MYRF: variants seen among roughly 807,000 people sequenced by gnomAD.
MYRF encodes myelin gene regulatory factor.
In MYRF, 16 loss-of-function variants were observed where a neutral mutation model predicts 126.3. The observed-to-expected ratio is 0.13, with a 90% CI of 0.09 to 0.19. MYRF has a LOEUF of 0.19. Among genes scored for constraint, MYRF ranks in the 10% least tolerant of loss-of-function variants. MYRF has a pLI of 1.00. For missense variants in MYRF, 1,104 were observed against 1,547.0 expected, an observed-to-expected ratio of 0.71 and a Z score of 4.80; for synonymous variants, 608 against 635.3, an observed-to-expected ratio of 0.96 and a Z score of 0.65.
chr11:61,755,532 C>T, intron 1 of MYRF: 1 of 1,492,988 alleles, frequency 6.7e-7, no homozygotes, highest in Non-Finnish European at 9.2e-7. Context: ...GCCAGGACCT[C>T]AGAGTTCTGG....
rs199735270 is a variant in MYRF at position 61,778,533 on chromosome 11, G to A, written c.2013+44G>A. The A allele has an allele frequency of 5.7e-5, 80 of 1,408,420 alleles. No individual in the cohort carries two copies. The highest frequency in any genetic ancestry group is 3.2e-4 in the Admixed American group (19 of 59,698). The allele number at this position is 1,408,420 out of a possible 1,614,324, so 87.2% of individuals were successfully genotyped here. On this transcript the variant is annotated intron_variant, in intron 14 of 26. Transcript: ENST00000278836. This position sits in a 1 kb window ranked among gnomAD's most constrained non-coding sequence, Gnocchi z 4.6. The stretch of plus-strand genomic sequence containing the variant: ...GGGAGGGAGCCCAGAGGCAAGTGGG[G>A]AGCCAGCTGGGGAACACTCATCACC...
chr11:61,780,347 T>C (rs2066509181), intron 18 of MYRF, 57 bp downstream of exon 18: 2 of 1,468,254 alleles, frequency 1.4e-6, no homozygotes, highest in African/African-American at 2.8e-5. Context: ...TGGTGGGCAG[T>C]CCCAGGTCAG....
chr11:61,781,356 G>A (rs2066540456), intron 21 of MYRF, 27 bp downstream of exon 21: 5 of 1,610,180 alleles, frequency 3.1e-6, no homozygotes, highest in South Asian at 1.1e-5. Context: ...GCTGGGGCTT[G>A]GGGCGGGGGC....
intron 1 of MYRF, among the ~76,000 whole-genome samples, chr11:61,760,834 C>A (rs198470): frequency 0.28 from 43,316 of 152,082 alleles, 7,600 homozygotes; most frequent in Middle Eastern, 0.37. Flanking sequence ...ACATTAGAAA[C>A]CAGGCCTCTT....
Position 61,786,743 on chromosome 11 carries a change from G to A in MYRF, c.*600G>A, listed in dbSNP as rs2066703781. 1 of 153,310 alleles carries A rather than the reference G, an allele frequency of 6.5e-6. No homozygotes were observed. The highest frequency in any genetic ancestry group is 2.4e-5 in the African/African-American group (1 of 41,442). The allele number at this position is 153,310 out of a possible 1,614,324, so 9.5% of individuals were successfully genotyped here. On this transcript the variant is annotated 3_prime_UTR_variant, in exon 27 of 27. Transcript: ENST00000278836. This position sits in a 1 kb window ranked among gnomAD's most constrained non-coding sequence, Gnocchi z 4.5. ...TCTAAGCTTTAAGTGTGGCCCAGGA[G>A]GTTTCTTCTCCCTGGGAGGGCTTGG...
At position 61,778,631 on chromosome 11, in the gene MYRF, C is replaced by T. The variant is rs1306077349; in HGVS notation, c.2013+142C>T. The T allele has an allele frequency of 2.3e-5, 16 of 686,818 alleles. No individual in the cohort carries two copies. Among genetic ancestry groups the T allele is most frequent in the African/African-American group, 3.5e-5 (2 of 56,926 alleles). 42.5% of individuals were successfully genotyped at this position (686,818 alleles called of 1,614,324 possible). On this transcript the variant is annotated intron_variant, in intron 14 of 26. Transcript: ENST00000278836. The surrounding 1 kb of genome is among the most constrained non-coding windows in gnomAD (Gnocchi z 4.6). ...GCTCTCATGCTGCCTCCAGAGCGCC[C>T]TCTGCACCCCACAGGGAAGGGGTGA...
chr11:61,775,028 C>T (rs1591113591), intron 8 of MYRF, among the ~76,000 whole-genome samples: 1 of 152,330 alleles, frequency 6.6e-6, no homozygotes, highest in East Asian at 1.9e-4. Flanking sequence ...CCCTCTTTCC[C>T]CAACCTCATC....
At chr11:61,762,260 T>TGTCAGTCCTTGGCA (rs928369876) in intron 1 of MYRF, among the ~76,000 whole-genome samples, 3 of 151,752 alleles carry the variant, frequency 2.0e-5, no homozygotes, top group African/African-American at 7.3e-5. Context: ...CAGGGGACCA[T>TGTCAGTCCTTGGCA]GTCAGGCCTT....
In MYRF at chr11:61,776,760, T is replaced by C. The variant is rs1565298491; in HGVS notation, c.1500-27T>C. ...CCTGGGGGCGGGGGCAGGCCATGAG[T>C]ACTTCTGAGACCCCTGTGTGTCCCA... On this transcript the variant is annotated intron_variant, in intron 10 of 26. Transcript: ENST00000278836. This position sits in a 1 kb window ranked among gnomAD's most constrained non-coding sequence, Gnocchi z 4.3. 1 of 1,553,376 alleles carries C rather than the reference T, an allele frequency of 6.4e-7. No individual in the cohort carries two copies. Among genetic ancestry groups the C allele is most frequent in the Admixed American group, 1.9e-5 (1 of 51,950 alleles).
chr11:61,753,514 G>A (rs1403040001), intron 1 of MYRF, among the ~76,000 whole-genome samples: 1 of 151,826 alleles, frequency 6.6e-6, no homozygotes, highest in Non-Finnish European at 1.5e-5. Flanking sequence ...CCCTGCCACC[G>A]GTCACCTCTG....
chr11:61,754,291 A>G (rs1365605760), intron 1 of MYRF: 1 of 152,420 alleles, frequency 6.6e-6, no homozygotes, highest in African/African-American at 2.4e-5. Flanking sequence ...CCCAGAACCC[A>G]AGAGTTCAGG....
At chr11:61,769,169 G>A in intron 3 of MYRF, 91 bp from the exon 4 acceptor site, 2 of 721,232 alleles carry the variant, frequency 2.8e-6, no homozygotes, top group Non-Finnish European at 4.8e-6. Flanking sequence ...CTTCTGGGGG[G>A]CTGTGGGACC....
rs371686409 is a variant in MYRF, at chr11:61,776,349, G to C, written c.1416G>C (p.Thr472=). The C allele has an allele frequency of 8.7e-6, 14 of 1,613,296 alleles. No homozygotes were observed. The South Asian group carries it at 1.5e-4, about 18-fold the overall frequency. The part of the protein sequence containing the change: ...VTVNLPPEQV[T]KVTVGRLHFS... ...TCAATCTGCCCCCTGAGCAGGTCAC[G>C]AAGGTGACTGTGGGGCGGCTGCACT... is the stretch of plus-strand genomic sequence containing the variant. The change falls in exon 10 of 27, where the codon ACG becomes ACC. Residue 472 remains threonine (T), a synonymous_variant. Coordinates refer to ENST00000278836, the MANE Select transcript of MYRF (RefSeq NM_001127392.3). The surrounding 1 kb of genome is among the most constrained non-coding windows in gnomAD (Gnocchi z 4.3).
intron 1 of MYRF, chr11:61,755,358 A>G: frequency 1.2e-6 from 2 of 1,601,886 alleles, no homozygotes; most frequent in Non-Finnish European, 1.7e-6. Flanking sequence ...CTAATCCCCT[A>G]GAGAGAGGCA....
Position 61,778,530 on chromosome 11 carries a change from G to A in MYRF, c.2013+41G>A. 6.9e-7 allele frequency: 1 copy of A among 1,439,290 alleles called. No individual in the cohort carries two copies. Among genetic ancestry groups the A allele is most frequent in the South Asian group, 1.1e-5 (1 of 87,484 alleles). 89.2% of individuals were successfully genotyped at this position (1,439,290 alleles called of 1,614,324 possible). A position where few individuals can be genotyped will look rare whatever the true frequency, so the allele number is the denominator to read the frequency against. ...AATGGGAGGGAGCCCAGAGGCAAGT[G>A]GGGAGCCAGCTGGGGAACACTCATC... On this transcript the variant is annotated intron_variant, in intron 14 of 26. Coordinates refer to ENST00000278836, the MANE Select transcript of MYRF (RefSeq NM_001127392.3). This position sits in a 1 kb window ranked among gnomAD's most constrained non-coding sequence, Gnocchi z 4.6.
intron 18 of MYRF, 146 bp from the exon 19 acceptor site, chr11:61,780,566 A>C: frequency 1.2e-6 from 1 of 829,052 alleles, no homozygotes; most frequent in African/African-American, 1.7e-5. Context: ...GGGTTGGAAC[A>C]TGGGGTAGGA....
Position 61,786,052 on chromosome 11 carries a change from C to T in MYRF, c.3376-11C>T. 6.2e-7 allele frequency: 1 copy of T among 1,614,140 alleles called. No homozygotes were observed. The highest frequency in any genetic ancestry group is 2.2e-5 in the East Asian group (1 of 44,890). Reference sequence around the variant, plus strand: ...AGAGCCACCTCACCTTCCCACTGCCCTTCCACCCAGGGTCAGGCCAACTGC... The same window carrying T: ...AGAGCCACCTCACCTTCCCACTGCCTTTCCACCCAGGGTCAGGCCAACTGC... On this transcript the variant is annotated splice_polypyrimidine_tract_variant and intron_variant, in intron 26 of 26. Coordinates refer to ENST00000278836, the MANE Select transcript of MYRF (RefSeq NM_001127392.3). This position sits in a 1 kb window ranked among gnomAD's most constrained non-coding sequence, Gnocchi z 4.5.
Position 61,781,214 on chromosome 11 carries a change from T to A in MYRF, c.2649T>A (p.Pro883=), listed in dbSNP as rs776023624. Residue 883 remains proline (P), a synonymous_variant, in exon 21 of 27, where the codon CCT becomes CCA. Transcript: ENST00000278836. ...ACATGTGTTCCAGCCACCCCTGCCC[T>A]GTCATCTGCTGTTCCTCACCCACTA... ...TLDMCSSHPC[P]VICCSSPTTN... is the part of the protein sequence containing the mutation. 1.2e-6 allele frequency: 2 copies of A among 1,614,100 alleles called. No homozygotes were observed. Among genetic ancestry groups the A allele is most frequent in the Non-Finnish European group, 1.7e-6 (2 of 1,180,016 alleles).
At position 61,752,654 on chromosome 11, in the gene MYRF, G is replaced by A. The variant is rs1406336784; in HGVS notation, c.-91G>A. 4 of 1,042,184 alleles carry A rather than the reference G, an allele frequency of 3.8e-6. No individual in the cohort carries two copies. The African/African-American group carries it at 6.7e-5, about 18-fold the overall frequency. 64.6% of individuals were successfully genotyped at this position (1,042,184 alleles called of 1,614,324 possible). On this transcript the variant is annotated 5_prime_UTR_variant, in exon 1 of 27. Coordinates refer to ENST00000278836, the MANE Select transcript of MYRF (RefSeq NM_001127392.3). ...CGGGACCGTAGCCGGAGCCCAGCCG[G>A]GACTGTCGCGCGGGCCGCGCCGGCG...
Sources: allele counts gnomAD v4.1 joint callset (sites outside exome capture counted in the v4.1 genomes callset), GRCh38; gene constraint gnomAD v4.1.1; non-coding constraint Gnocchi (gnomAD v3.1); transcripts MANE v1.5; gene names NCBI Gene and HGNC (gene_info 2026-07-23, HGNC 2026-07-21).